Variants in ANKRD44 observed in about 807,000 individuals in gnomAD.
The protein encoded by ANKRD44 is serine/threonine-protein phosphatase 6 regulatory ankyrin repeat subunit B.
A neutral mutation model predicts 116.0 loss-of-function variants in ANKRD44; 35 were observed. The observed-to-expected ratio is 0.30, with a 90% CI of 0.23 to 0.40. ANKRD44 has a LOEUF of 0.40. Among genes scored for constraint, ANKRD44 ranks in the 10% least tolerant of loss-of-function variants. ANKRD44 has a pLI of 1.00. For synonymous variants in ANKRD44, 435 were observed against 461.8 expected (o/e 0.94, Z 0.74); for missense variants, 1,014 against 1,242.6 (o/e 0.82, Z 2.77).
chr2:197,196,438 T>C (rs11894584), intron 1 of ANKRD44, among the ~76,000 whole-genome samples: 34,087 of 152,094 alleles, frequency 0.22, 4,017 homozygotes, highest in Middle Eastern at 0.28. Flanking sequence ...GTATTCCTTA[T>C]AAAAAATAGC....
chr2:197,213,171 C>G (rs1382778203), intron 1 of ANKRD44, among the ~76,000 whole-genome samples: 2 of 152,130 alleles, frequency 1.3e-5, no homozygotes, highest in South Asian at 2.1e-4. Flanking sequence ...GCTTAGCCAC[C>G]CAGCGAGCTA....
At chr2:197,048,654 G>A (rs575416785) in intron 16 of ANKRD44, among the ~76,000 whole-genome samples, 26 of 152,280 alleles carry the variant, frequency 1.7e-4, no homozygotes, top group Admixed American at 1.3e-4. Context: ...AAACATACAC[G>A]TGCATGTGTC....
chr2:197,231,257 T>TATTTTTTTAGAG (rs2081855307), intron 1 of ANKRD44, among the ~76,000 whole-genome samples: 1 of 152,026 alleles, frequency 6.6e-6, no homozygotes, highest in East Asian at 1.9e-4. Context: ...ACCCCGTCTC[T>TATTTTTTTAGAG]AAAAAAATTA....
chr2:197,133,103 C>T (rs558571859), intron 4 of ANKRD44, among the ~76,000 whole-genome samples: 52 of 152,298 alleles, frequency 3.4e-4, no homozygotes, highest in Middle Eastern at 3.4e-3. Flanking sequence ...GTTGCAGCTT[C>T]ACATGATGAC....
intron 16 of ANKRD44, among the ~76,000 whole-genome samples, chr2:197,051,987 C>A (rs548460313): frequency 6.6e-6 from 1 of 152,070 alleles, no homozygotes; most frequent in East Asian, 1.9e-4. Flanking sequence ...AAATTATTCC[C>A]GTTTAAACTT....
intron 1 of ANKRD44, among the ~76,000 whole-genome samples, chr2:197,256,048 T>C (rs972356278): frequency 5.3e-5 from 8 of 152,234 alleles, no homozygotes; most frequent in African/African-American, 1.9e-4. Flanking sequence ...ACAGGGGCTG[T>C]CTTTTGTATA....
At chr2:196,976,415 C>G (rs932352704) in intron 21 of ANKRD44, among the ~76,000 whole-genome samples, 3 of 152,074 alleles carry the variant, frequency 2.0e-5, no homozygotes, top group African/African-American at 7.2e-5. Flanking sequence ...ACTCACACCA[C>G]ATCTATTCAA....
At chr2:197,295,776 C>T (rs2083702231) in intron 1 of ANKRD44, among the ~76,000 whole-genome samples, 1 of 152,124 alleles carries the variant, frequency 6.6e-6, no homozygotes, top group South Asian at 2.1e-4. Flanking sequence ...AAAAGCAAGG[C>T]TGGGCACGGT....
At position 197,007,937 on chromosome 2, in the gene ANKRD44, T is replaced by C. The variant is rs760210158; in HGVS notation, c.2013-14A>G. On this transcript the variant is annotated splice_polypyrimidine_tract_variant and intron_variant, in intron 19 of 27. Transcript: ENST00000282272. The stretch of plus-strand genomic sequence containing the variant: ...ATCAGTGGTGTTCTAGGCAGAGAGA[T>C]AAAGCAGGCTTTTAAAAAGGAGATT... The C allele has an allele frequency of 1.9e-6, 3 of 1,576,524 alleles. No homozygotes were observed. The highest frequency in any genetic ancestry group is 2.6e-6 in the Non-Finnish European group (3 of 1,148,150).
At chr2:197,264,585 A>G (rs1301675789) in intron 1 of ANKRD44, among the ~76,000 whole-genome samples, 1 of 152,082 alleles carries the variant, frequency 6.6e-6, no homozygotes, top group Non-Finnish European at 1.5e-5. Context: ...CATGGGGTGG[A>G]TTTCCTCCCT....
At chr2:197,225,405 G>T (rs866129834) in intron 1 of ANKRD44, among the ~76,000 whole-genome samples, 8 of 152,042 alleles carry the variant, frequency 5.3e-5, no homozygotes, top group Non-Finnish European at 1.2e-4. Flanking sequence ...GTGCAGTGGC[G>T]CAATCTCAGC....
At chr2:197,258,903 T>G (rs562056523) in intron 1 of ANKRD44, among the ~76,000 whole-genome samples, 2 of 152,254 alleles carry the variant, frequency 1.3e-5, no homozygotes, top group Admixed American at 6.5e-5. Flanking sequence ...TCAGTATCTC[T>G]TTCTGTAGGA....
intron 9 of ANKRD44, among the ~76,000 whole-genome samples, chr2:197,103,345 T>G (rs552120597): frequency 6.6e-6 from 1 of 152,344 alleles, no homozygotes; most frequent in African/African-American, 2.4e-5. Context: ...ACATGTTTTC[T>G]ATACGTGAAA....
At chr2:197,020,816 T>TATATATAA (rs1427235259) in intron 17 of ANKRD44, among the ~76,000 whole-genome samples, 23 of 151,406 alleles carry the variant, frequency 1.5e-4, no homozygotes, top group African/African-American at 5.4e-4. Context: ...ATTATTATTA[T>TATATATAA]ACTTTAAGTT....
chr2:197,250,049 A>G (rs1374320553), intron 1 of ANKRD44, among the ~76,000 whole-genome samples: 1 of 152,236 alleles, frequency 6.6e-6, no homozygotes, highest in Non-Finnish European at 1.5e-5. Flanking sequence ...AAATTTGCTT[A>G]AGCAATTTGG....
Position 197,284,986 on chromosome 2 carries a change from TAGAA to T in ANKRD44, c.27+25588_27+25591del, listed in dbSNP as rs2083370103. On this transcript the variant is annotated intron_variant, in intron 1 of 27. Transcript: ENST00000282272. ...ATATATCTTCTGCTTGTTAAGATAA[TAGAA>T]AGAGTGATAGCCCTCTCTCAGATGG... Among the ~76,000 whole-genome samples, 3 of 151,788 alleles carry T rather than the reference TAGAA, an allele frequency of 2.0e-5. No homozygotes were observed. In the South Asian group the frequency reaches 6.2e-4, roughly 32 times the overall value.
chr2:197,017,765 T>C (rs2076419108), intron 17 of ANKRD44, among the ~76,000 whole-genome samples: 2 of 152,248 alleles, frequency 1.3e-5, no homozygotes, highest in Admixed American at 1.3e-4. Context: ...AACTTTATTC[T>C]TCTAGTTGTT....
rs911059452 is a variant in ANKRD44, at chr2:197,079,601, C to T, written c.1539-787G>A. Among the ~76,000 whole-genome samples the T allele has an allele frequency of 3.3e-5, 5 of 152,240 alleles. No individual in the cohort carries two copies. In the South Asian group the frequency reaches 1.0e-3, roughly 32 times the overall value. ...CAGGGCCTACTGCAAACGGTCCAGT[C>T]CTGCTGGGAAAGAGGGAGTCACTAG... On this transcript the variant is annotated intron_variant, in intron 15 of 27. Transcript: ENST00000282272.
At chr2:197,227,676 G>T (rs1288016519) in intron 1 of ANKRD44, among the ~76,000 whole-genome samples, 1 of 152,128 alleles carries the variant, frequency 6.6e-6, no homozygotes, top group African/African-American at 2.4e-5. Flanking sequence ...CAGAACAACG[G>T]GAGAGTTGAA....
Sources: gnomAD v4.1 joint callset for allele counts (sites outside exome capture counted in the v4.1 genomes callset) on GRCh38, gnomAD v4.1.1 for gene constraint, MANE v1.5 for transcripts, NCBI Gene and HGNC (gene_info 2026-07-23, HGNC 2026-07-21) for gene names.